The following CDC23 variants were observed in gnomAD, a reference collection of about 807,000 sequenced individuals.
CDC23 encodes the protein cell division cycle protein 23 homolog.
In CDC23, 26 loss-of-function variants were observed where a neutral mutation model predicts 81.7. The ratio of observed to expected loss-of-function variants is 0.32; its 90% CI spans 0.23 to 0.44. The LOEUF (loss-of-function observed/expected upper bound fraction) is 0.44. Among genes scored for constraint, CDC23 ranks in the 20% least tolerant of loss-of-function variants. The pLI is 1.00. For synonymous variants in CDC23, 267 were observed against 270.8 expected, an observed-to-expected ratio of 0.99 and a Z score of 0.14; for missense variants, 519 against 728.0, an observed-to-expected ratio of 0.71 and a Z score of 3.30.
chr5:138,193,259 A>T (rs1018796826), intron 9 of CDC23, among the ~76,000 whole-genome samples: 1 of 152,160 alleles, frequency 6.6e-6, no homozygotes, highest in East Asian at 1.9e-4. Context: ...TATGCTTTAC[A>T]TCGGTGGTTT....
rs144535754 is a variant in CDC23, at chr5:138,204,104, G to A, written c.373-1949C>T. On this transcript the variant is annotated intron_variant, in intron 3 of 15. Transcript: ENST00000394886. ...TGATATCTGCAACTTATTCTCAAAT[G>A]GTTCAGAGTAAAACAATTCCATGTG... 2.1e-3 allele frequency among the ~76,000 whole-genome samples: 324 copies of A among 152,296 alleles called. 3 individuals are homozygous for A. Among genetic ancestry groups the A allele is most frequent in the African/African-American group, 7.4e-3 (307 of 41,560 alleles).
In CDC23 at chr5:138,189,909, A is replaced by G; in HGVS notation, c.1425-3T>C. The G allele has an allele frequency of 2.5e-6, 4 of 1,613,526 alleles. No homozygotes were observed. The highest frequency in any genetic ancestry group is 2.5e-6 in the Non-Finnish European group (3 of 1,179,632). ...ACTCAGTCAACTGTTCATGAAGCCT[A>G]CAAAAGAAACTGATCTTTAAATACC... is the stretch of plus-strand genomic sequence containing the variant. On this transcript the variant is annotated splice_polypyrimidine_tract_variant and splice_region_variant and intron_variant, in intron 13 of 15. Transcript: ENST00000394886.
Position 138,191,522 on chromosome 5 carries a change from G to T in CDC23, c.1376C>A (p.Ala459Asp). 1 of 1,614,066 alleles carries T rather than the reference G, an allele frequency of 6.2e-7. No homozygotes were observed. Among genetic ancestry groups the T allele is most frequent in the Non-Finnish European group, 8.5e-7 (1 of 1,179,914 alleles). Residue 459 changes from alanine to aspartate, a missense_variant, in exon 13 of 16, where the codon GCT becomes GAT. By Grantham distance (126) the Ala-to-Asp change is moderately radical. This residue lies in a region of CDC23 where 175 missense variants were observed against 337.8 expected (regional missense o/e 0.52). Coordinates refer to ENST00000394886, the MANE Select transcript of CDC23 (RefSeq NM_004661.4). ...TTTCTCCACATCTCCCACGGCGTAA[G>T]CTCTCCAATAACACTGTCAAAAAAA... Reference protein sequence around the residue: ...LVEAKKCYWRAYAVGDVEKMA... With the variant: ...LVEAKKCYWRDYAVGDVEKMA...
Position 138,206,633 on chromosome 5 carries a change from C to A in CDC23, c.286G>T (p.Val96Phe). 1 of 1,613,940 alleles carries A rather than the reference C, an allele frequency of 6.2e-7. No individual in the cohort carries two copies. The highest frequency in any genetic ancestry group is 8.5e-7 in the Non-Finnish European group (1 of 1,179,930). ...TGTGCTGCCCGATCATACTCTTTAA[C>A]GTCAAAGTAGGCCTTGGCCAGGGTA... The part of the protein sequence containing the change: ...AYTLAKAYFD[V>F]KEYDRAAHFL... The change falls in exon 3 of 16, where the codon GTT (valine) becomes TTT (phenylalanine). Residue 96 changes from valine to phenylalanine, a missense_variant. Transcript: ENST00000394886.
chr5:138,213,237 A>T lies in CDC23; in HGVS notation c.76T>A (p.Phe26Ile), dbSNP rs2126592541. Residue 26 changes from phenylalanine to isoleucine, a missense_variant, in exon 1 of 16, where the codon TTC (phenylalanine) becomes ATC (isoleucine). Coordinates refer to ENST00000394886, the MANE Select transcript of CDC23 (RefSeq NM_004661.4). ...TTTTTAATTTCCCGCAAATCTGAGA[A>T]ATCGCTGTTTATGGACAGGACAGGC... is the stretch of plus-strand genomic sequence containing the variant. ...VAPVLSINSD[F>I]SDLREIKKQL... The T allele has an allele frequency of 6.2e-7, 1 of 1,614,194 alleles. No individual in the cohort carries two copies. Among genetic ancestry groups the T allele is most frequent in the Non-Finnish European group, 8.5e-7 (1 of 1,180,034 alleles).
chr5:138,200,819 CAAACAA>C lies in CDC23; in HGVS notation c.654+282_654+287del, dbSNP rs1303869112. On this transcript the variant is annotated intron_variant, in intron 6 of 15. Coordinates refer to ENST00000394886, the MANE Select transcript of CDC23 (RefSeq NM_004661.4). ...TAGATGAAAGAGCAAGACTCCGTCT[CAAACAA>C]AAACAAAAACAAGTCACAATAGAAC... is the stretch of plus-strand genomic sequence containing the variant. The C allele has an allele frequency of 8.0e-5, 25 of 312,504 alleles. No homozygotes were observed. In the East Asian group the frequency reaches 8.2e-4, roughly 10 times the overall value. 19.4% of individuals were successfully genotyped at this position (312,504 alleles called of 1,614,324 possible).
intron 1 of CDC23, 22 bp from the exon 2 acceptor site, chr5:138,213,085 GA>G (rs1239687398): frequency 6.2e-7 from 1 of 1,613,970 alleles, no homozygotes; most frequent in Non-Finnish European, 8.5e-7. Context: ...ACACAAACTA[GA>G]TCAGCTCGAC....
chr5:138,203,533 A>T (rs1755013813), intron 3 of CDC23, among the ~76,000 whole-genome samples: 1 of 152,240 alleles, frequency 6.6e-6, no homozygotes, highest in Non-Finnish European at 1.5e-5. Context: ...GTTTCAGATT[A>T]GCGGAGATTA....
Position 138,203,063 on chromosome 5 carries a change from C to T in CDC23, c.373-908G>A, listed in dbSNP as rs186153042. ...TAAAGGCATTGTGTAACACTAGATG[C>T]GATGCCCTGTGAAAAAACATCAGAC... On this transcript the variant is annotated intron_variant, in intron 3 of 15. Transcript: ENST00000394886. Among the ~76,000 whole-genome samples the T allele has an allele frequency of 3.3e-5, 5 of 152,002 alleles. No individual in the cohort carries two copies. The East Asian group carries it at 5.8e-4, about 18-fold the overall frequency.
chr5:138,212,970 T>C, intron 2 of CDC23, 21 bp downstream of exon 2: 2 of 1,606,258 alleles, frequency 1.2e-6, no homozygotes, highest in Non-Finnish European at 1.7e-6. Context: ...TGGGGAGCGC[T>C]CACTGTAAAC....
At chr5:138,201,283 T>C (rs1412086260) in intron 5 of CDC23, 44 bp from the exon 6 acceptor site, 25 of 1,613,640 alleles carry the variant, frequency 1.5e-5, no homozygotes, top group East Asian at 2.2e-5. Flanking sequence ...TGCTATTTAA[T>C]AGCTGCTTTC....
At chr5:138,208,708 C>T (rs1016647) in intron 2 of CDC23, among the ~76,000 whole-genome samples, 88,983 of 152,042 alleles carry the variant, frequency 0.59, 26,277 homozygotes, top group Admixed American at 0.63. Context: ...TTAAATTTTT[C>T]TGTTTCATTC....
At chr5:138,197,953 G>T (rs916003410) in intron 9 of CDC23, among the ~76,000 whole-genome samples, 2 of 152,004 alleles carry the variant, frequency 1.3e-5, no homozygotes, top group African/African-American at 4.8e-5. Flanking sequence ...TTTGCTTGTT[G>T]GTTTGTTTGT....
rs930923571 is a variant in CDC23, at chr5:138,201,116, G to C, written c.645C>G (p.Asp215Glu). The change falls in exon 6 of 16, where the codon GAC becomes GAG. Residue 215 changes from aspartate to glutamate, a missense_variant. This residue lies in a region of CDC23 where 180 missense variants were observed against 239.3 expected (regional missense o/e 0.75). Coordinates refer to ENST00000394886, the MANE Select transcript of CDC23 (RefSeq NM_004661.4). ...GCTCATCACAATTTACCATCTCTTT[G>C]TCTGTGATCAGGTTACAGAGTTCTA... ...AWLELCNLIT[D>E]KEMLKFLSLP... The C allele has an allele frequency of 1.2e-6, 2 of 1,613,606 alleles. No individual in the cohort carries two copies. Among genetic ancestry groups the C allele is most frequent in the Admixed American group, 1.7e-5 (1 of 59,896 alleles).
intron 3 of CDC23, chr5:138,206,344 C>G: frequency 1.6e-6 from 1 of 611,546 alleles, no homozygotes; most frequent in East Asian, 2.8e-5. Flanking sequence ...TGTTACTTAT[C>G]CTGTTAGTCA....
rs755680049 is a variant in CDC23, at chr5:138,202,108, C to A, written c.415+5G>T. 1.9e-6 allele frequency: 3 copies of A among 1,607,578 alleles called. No homozygotes were observed. Among genetic ancestry groups the A allele is most frequent in the South Asian group, 2.2e-5 (2 of 89,706 alleles). ...GGTCAAAAGGTAAAAGAAAAAAATTCGTACCTAAGCTATCAACTGTTTCAT... is the reference window on the plus strand; with the variant it reads ...GGTCAAAAGGTAAAAGAAAAAAATTAGTACCTAAGCTATCAACTGTTTCAT... On this transcript the variant is annotated splice_donor_5th_base_variant and intron_variant, in intron 4 of 15. Transcript: ENST00000394886.
chr5:138,198,113 C>A, intron 9 of CDC23, 86 bp downstream of exon 9: 4 of 1,044,092 alleles, frequency 3.8e-6, no homozygotes, highest in Non-Finnish European at 5.8e-6. Context: ...GCACGCACCA[C>A]CATCCCTAGC....
At chr5:138,209,398 A>T (rs1279111294) in intron 2 of CDC23, among the ~76,000 whole-genome samples, 2 of 151,420 alleles carry the variant, frequency 1.3e-5, no homozygotes, top group Non-Finnish European at 2.9e-5. Flanking sequence ...ATTGCACTCC[A>T]GCCTGGGCAA....
chr5:138,201,792 T>G (rs1236988511), intron 4 of CDC23, among the ~76,000 whole-genome samples: 1 of 152,268 alleles, frequency 6.6e-6, no homozygotes, highest in Non-Finnish European at 1.5e-5. Flanking sequence ...ACAGTCATTC[T>G]GTTAGACCCA....
Sources: gnomAD v4.1 joint callset for allele counts (sites outside exome capture counted in the v4.1 genomes callset) on GRCh38, gnomAD v4.1.1 for gene constraint, gnomAD v4.1.1 regional missense constraint, MANE v1.5 for transcripts, NCBI Gene and HGNC (gene_info 2026-07-23, HGNC 2026-07-21) for gene names.